The following DPP10 variants were observed in gnomAD, a reference collection of about 807,000 sequenced individuals.
DPP10 encodes dipeptidyl peptidase like 10.
Under a neutral mutation model 120.9 loss-of-function variants are expected in DPP10, and 33 were observed. That is an observed-to-expected ratio of 0.27 (90% confidence interval 0.21 to 0.37). The LOEUF (loss-of-function observed/expected upper bound fraction) is 0.37, where lower values mean the gene tolerates loss of function less well. Among genes scored for constraint, DPP10 ranks in the 10% least tolerant of loss-of-function variants. DPP10 has a pLI of 1.00. For missense variants in DPP10, 816 were observed against 942.8 expected, an observed-to-expected ratio of 0.87 and a Z score of 1.76; for synonymous variants, 337 against 326.1, an observed-to-expected ratio of 1.03 and a Z score of -0.36.
chr2:115,373,236 T>C (rs144082151), intron 3 of DPP10, among the ~76,000 whole-genome samples: 3 of 152,184 alleles, frequency 2.0e-5, no homozygotes, highest in South Asian at 2.1e-4. Context: ...ATGAACTGTT[T>C]AGTAGGACAA....
chr2:115,790,940 T>TA (rs2149911147), intron 17 of DPP10, 141 bp from the exon 18 acceptor site: 1 of 530,096 alleles, frequency 1.9e-6, no homozygotes, highest in Admixed American at 3.8e-5. Context: ...AAAACTGTTG[T>TA]AGTAATTCAA....
intron 1 of DPP10, among the ~76,000 whole-genome samples, chr2:115,280,414 A>G (rs1015966308): frequency 6.6e-6 from 1 of 152,182 alleles, no homozygotes; most frequent in Non-Finnish European, 1.5e-5. Context: ...CCAAAGCTGC[A>G]CTCCGGAATT....
intron 13 of DPP10, among the ~76,000 whole-genome samples, chr2:115,770,695 G>A (rs886858976): frequency 6.6e-6 from 1 of 151,944 alleles, no homozygotes; most frequent in African/African-American, 2.4e-5. Context: ...TAACAAAAAA[G>A]CTATTTATGA....
intron 1 of DPP10, among the ~76,000 whole-genome samples, chr2:114,611,293 A>G (rs1246086294): frequency 1.3e-5 from 2 of 152,218 alleles, no homozygotes; most frequent in Non-Finnish European, 2.9e-5. Flanking sequence ...TCATGTGCTT[A>G]CAGGAAATGA....
chr2:115,411,982 G>T (rs1205683324), intron 3 of DPP10, among the ~76,000 whole-genome samples: 2 of 152,114 alleles, frequency 1.3e-5, no homozygotes, highest in Admixed American at 6.6e-5. Context: ...GCAATTGCAG[G>T]TATAGCCATT....
At chr2:115,690,666 G>T (rs2091267745) in intron 7 of DPP10, among the ~76,000 whole-genome samples, 1 of 152,092 alleles carries the variant, frequency 6.6e-6, no homozygotes, top group African/African-American at 2.4e-5. Context: ...ACCCACCTAG[G>T]CCTACCCAAA....
intron 3 of DPP10, among the ~76,000 whole-genome samples, chr2:115,441,957 G>A (rs866769588): frequency 5.3e-5 from 8 of 151,104 alleles, no homozygotes; most frequent in Middle Eastern, 3.2e-3. Flanking sequence ...CTGGGCCTAC[G>A]GGCGCACCAC....
At chr2:114,935,963 G>A (rs1696431793) in intron 1 of DPP10, among the ~76,000 whole-genome samples, 2 of 151,302 alleles carry the variant, frequency 1.3e-5, no homozygotes, top group African/African-American at 4.9e-5. Flanking sequence ...ACATCTTTCT[G>A]TGACATTTAT....
intron 19 of DPP10, among the ~76,000 whole-genome samples, chr2:115,811,201 T>C (rs1686604200): frequency 6.6e-6 from 1 of 152,162 alleles, no homozygotes; most frequent in African/African-American, 2.4e-5. Context: ...GCCTATATTG[T>C]GCACCAAAGA....
In DPP10 at chr2:115,820,794, GGTGTAT is replaced by G. The variant is rs1472233107; in HGVS notation, c.1950+5070_1950+5075del. Among the ~76,000 whole-genome samples, 449 of 112,702 alleles carry G rather than the reference GGTGTAT, an allele frequency of 4.0e-3. 3 individuals carry two copies. Among genetic ancestry groups the G allele is most frequent in the East Asian group, 0.03 (93 of 3,062 alleles). 73.9% of individuals were successfully genotyped at this position (112,702 alleles called of 152,430 possible). ...TTTTTATGGCTGAGTAGTATTCCAT[GGTGTAT>G]GTGTGTGTGTGTGTGTGTGTGTGTG... On this transcript the variant is annotated intron_variant, in intron 21 of 25. Coordinates refer to ENST00000410059, the MANE Select transcript of DPP10 (RefSeq NM_020868.6).
chr2:115,496,567 T>A (rs1575018873), intron 3 of DPP10, among the ~76,000 whole-genome samples: 1 of 152,308 alleles, frequency 6.6e-6, no homozygotes, highest in Non-Finnish European at 1.5e-5. Flanking sequence ...AGATTTTCTT[T>A]CACTATGAGG....
chr2:114,675,925 G>A (rs1698642684), intron 1 of DPP10, among the ~76,000 whole-genome samples: 1 of 151,876 alleles, frequency 6.6e-6, no homozygotes, highest in Non-Finnish European at 1.5e-5. Context: ...TCAGCCTCCA[G>A]AGTAGCTGGG....
At chr2:115,767,637 T>A (rs1234113397) in intron 12 of DPP10, among the ~76,000 whole-genome samples, 1 of 151,954 alleles carries the variant, frequency 6.6e-6, no homozygotes, top group African/African-American at 2.4e-5. Context: ...TTCTATTGAT[T>A]TAATGTGCCA....
intron 1 of DPP10, among the ~76,000 whole-genome samples, chr2:114,609,765 A>G (rs886446547): frequency 3.3e-5 from 5 of 152,168 alleles, no homozygotes; most frequent in African/African-American, 4.8e-5. Context: ...ATGACCTACT[A>G]GGTGACATAG....
intron 5 of DPP10, among the ~76,000 whole-genome samples, chr2:115,540,317 C>G (rs1280728598): frequency 1.3e-5 from 2 of 151,716 alleles, no homozygotes; most frequent in Non-Finnish European, 2.9e-5. Context: ...ATTTTTCTTC[C>G]CTTTTCCTCT....
At chr2:115,719,314 G>C (rs926752504) in intron 7 of DPP10, among the ~76,000 whole-genome samples, 1 of 152,160 alleles carries the variant, frequency 6.6e-6, no homozygotes, top group African/African-American at 2.4e-5. Flanking sequence ...TGCTGCAAAG[G>C]TTTTAAGAAA....
At chr2:115,350,738 C>T (rs1309591263) in intron 3 of DPP10, among the ~76,000 whole-genome samples, 1 of 152,082 alleles carries the variant, frequency 6.6e-6, no homozygotes, top group East Asian at 1.9e-4. Context: ...TAGATTGAGA[C>T]ATAATATTTC....
chr2:114,751,055 G>A (rs992394095), intron 1 of DPP10, among the ~76,000 whole-genome samples: 1 of 152,168 alleles, frequency 6.6e-6, no homozygotes, highest in African/African-American at 2.4e-5. Context: ...AAAGAACAAT[G>A]GAAGATGTCT....
At chr2:115,215,451 A>G (rs1039234214) in intron 1 of DPP10, among the ~76,000 whole-genome samples, 15 of 152,348 alleles carry the variant, frequency 9.8e-5, no homozygotes, top group Middle Eastern at 6.8e-3. Flanking sequence ...GTTTTTAAAT[A>G]GGCCACATGT....
Sources: allele counts gnomAD v4.1 joint callset (sites outside exome capture counted in the v4.1 genomes callset), GRCh38; gene constraint gnomAD v4.1.1; transcripts MANE v1.5; gene names NCBI Gene and HGNC (gene_info 2026-07-23, HGNC 2026-07-21).